Variants in GALNT13 observed in about 807,000 individuals in gnomAD.
The protein encoded by GALNT13 is UDP-GalNAc:polypeptide N-acetylgalactosaminyltransferase 13.
GALNT13 carries 28 observed loss-of-function variants against 64.2 expected under a neutral mutation model. The observed-to-expected ratio is 0.44, with a 90% CI of 0.32 to 0.60. The LOEUF is 0.60. Ranked by LOEUF, GALNT13 falls within the 20% of genes least tolerant of loss-of-function variation. GALNT13 has a pLI of 0.05. For missense variants in GALNT13, 577 were observed against 669.8 expected (o/e 0.86, Z 1.53); for synonymous variants, 214 against 224.6 (o/e 0.95, Z 0.42).
chr2:153,649,015 G>T, the GALNT13 span, among the ~76,000 whole-genome samples: 1 of 152,144 alleles, frequency 6.6e-6, no homozygotes, highest in Non-Finnish European at 1.5e-5. Flanking sequence ...TTTTTCTGTT[G>T]ATTGGAATAG....
chr2:153,408,629 G>A, the GALNT13 span, among the ~76,000 whole-genome samples: 1 of 151,680 alleles, frequency 6.6e-6, no homozygotes, highest in African/African-American at 2.4e-5. Context: ...CACAGTTGGT[G>A]TTTTTTGTTG....
rs573862921 is a variant in GALNT13 at position 153,881,652 on chromosome 2, T to C, written c.-177+9349T>C. ...AAGTGGGATAACATGTATACATCATTTCCATTCCTTTTGTAAGGAAAACTA... is the reference window on the plus strand; with the variant it reads ...AAGTGGGATAACATGTATACATCATCTCCATTCCTTTTGTAAGGAAAACTA... On this transcript the variant is annotated intron_variant, in intron 1 of 12. Transcript: ENST00000392825. Among the ~76,000 whole-genome samples, 3 of 152,304 alleles carry C rather than the reference T, an allele frequency of 2.0e-5. No individual in the cohort carries two copies. In the East Asian group the frequency reaches 5.8e-4, roughly 29 times the overall value.
chr2:153,879,391 T>C (rs565378640), intron 1 of GALNT13, among the ~76,000 whole-genome samples: 1 of 152,166 alleles, frequency 6.6e-6, no homozygotes, highest in African/African-American at 2.4e-5. Context: ...TGCATGTGTG[T>C]GTGTGTTCTG....
At chr2:153,618,714 A>G in the GALNT13 span, among the ~76,000 whole-genome samples, 1 of 151,994 alleles carries the variant, frequency 6.6e-6, no homozygotes, top group Non-Finnish European at 1.5e-5. Context: ...TTGGGTGCAT[A>G]TATATTTAAA....
At chr2:153,760,866 C>A in the GALNT13 span, among the ~76,000 whole-genome samples, 2,981 of 152,148 alleles carry the variant, frequency 0.02, 75 homozygotes, top group South Asian at 0.13. Context: ...TTGATATCTC[C>A]CTTCAGATCC....
At chr2:153,336,682 C>T in the GALNT13 span, among the ~76,000 whole-genome samples, 1 of 152,062 alleles carries the variant, frequency 6.6e-6, no homozygotes, top group Non-Finnish European at 1.5e-5. Flanking sequence ...GGACTGTGGA[C>T]TTTTGAGTTA....
chr2:153,987,297 A>T (rs1020336885), intron 3 of GALNT13, among the ~76,000 whole-genome samples: 1 of 151,896 alleles, frequency 6.6e-6, no homozygotes, highest in African/African-American at 2.4e-5. Context: ...GTGAAACTCA[A>T]GTTCGTTGTT....
At chr2:153,848,747 G>A in the GALNT13 span, among the ~76,000 whole-genome samples, 1 of 151,762 alleles carries the variant, frequency 6.6e-6, no homozygotes, top group Non-Finnish European at 1.5e-5. Context: ...TCTTAATATG[G>A]AGACAAGACA....
the GALNT13 span, among the ~76,000 whole-genome samples, chr2:153,265,885 A>G: frequency 2.0e-5 from 3 of 152,334 alleles, no homozygotes; most frequent in Non-Finnish European, 4.4e-5. Flanking sequence ...TGGCAGCAAT[A>G]TTTGAGAGGA....
chr2:153,505,811 A>G, the GALNT13 span, among the ~76,000 whole-genome samples: 1 of 152,124 alleles, frequency 6.6e-6, no homozygotes, highest in Non-Finnish European at 1.5e-5. Context: ...CCGTGTGTTA[A>G]TGCATAGAAT....
chr2:154,122,865 T>C (rs1682033063), intron 3 of GALNT13, among the ~76,000 whole-genome samples: 1 of 151,528 alleles, frequency 6.6e-6, no homozygotes, highest in Admixed American at 6.6e-5. Flanking sequence ...ATACTAAAAG[T>C]GTACATTTAG....
At chr2:153,978,789 A>G (rs962791010) in intron 3 of GALNT13, among the ~76,000 whole-genome samples, 3 of 152,034 alleles carry the variant, frequency 2.0e-5, no homozygotes, top group Admixed American at 6.6e-5. Flanking sequence ...TATTAAATTG[A>G]GCTGGGCATG....
the GALNT13 span, among the ~76,000 whole-genome samples, chr2:153,338,077 G>A: frequency 1.3e-5 from 2 of 152,040 alleles, no homozygotes; most frequent in Admixed American, 6.6e-5. Flanking sequence ...GATCACTTCA[G>A]GTCAGGAGTT....
chr2:154,446,960 C>A (rs1009768528), intron 12 of GALNT13, among the ~76,000 whole-genome samples: 2 of 147,742 alleles, frequency 1.4e-5, no homozygotes, highest in East Asian at 3.9e-4. Flanking sequence ...TTTAGTCTAT[C>A]CTTAATGAGT....
intron 9 of GALNT13, among the ~76,000 whole-genome samples, chr2:154,394,557 A>G (rs1229292927): frequency 6.6e-6 from 1 of 152,226 alleles, no homozygotes; most frequent in African/African-American, 2.4e-5. Flanking sequence ...CCCACCAGGC[A>G]CAATGTCATC....
intron 3 of GALNT13, among the ~76,000 whole-genome samples, chr2:154,042,230 T>C (rs1168124582): frequency 7.2e-6 from 1 of 139,816 alleles, no homozygotes; most frequent in Non-Finnish European, 1.6e-5. Flanking sequence ...GTCTGTTACC[T>C]TGAGCATAAA....
the GALNT13 span, among the ~76,000 whole-genome samples, chr2:153,401,828 G>A: frequency 5.3e-5 from 8 of 151,920 alleles, no homozygotes; most frequent in African/African-American, 7.3e-5. Context: ...GTCTCTGCAC[G>A]TGAGATGGGT....
the GALNT13 span, among the ~76,000 whole-genome samples, chr2:153,362,204 AG>A: frequency 6.6e-6 from 1 of 152,198 alleles, no homozygotes; most frequent in South Asian, 2.1e-4. Flanking sequence ...CTGCCTTGCA[AG>A]AGCTCCTGAA....
chr2:153,262,254 G>T, the GALNT13 span, among the ~76,000 whole-genome samples: 1 of 152,158 alleles, frequency 6.6e-6, no homozygotes, highest in Non-Finnish European at 1.5e-5. Flanking sequence ...ATTGTTCAGG[G>T]ACAAAGGCAG....
Sources: allele counts gnomAD v4.1 joint callset (sites outside exome capture counted in the v4.1 genomes callset), GRCh38; gene constraint gnomAD v4.1.1; transcripts MANE v1.5; gene names NCBI Gene and HGNC (gene_info 2026-07-23, HGNC 2026-07-21).